The following KCNB2 variants were observed in gnomAD, a reference collection of about 807,000 sequenced individuals.
KCNB2 encodes the protein potassium voltage-gated channel subfamily B member 2, also known as delayed rectifier potassium channel protein.
KCNB2 carries 15 observed loss-of-function variants against 61.5 expected under a neutral mutation model. The observed-to-expected ratio is 0.24, with a 90% CI of 0.16 to 0.38. The LOEUF is 0.38. Among genes scored for constraint, KCNB2 ranks in the 10% least tolerant of loss-of-function variants. KCNB2 has a pLI of 1.00. For missense variants in KCNB2, 828 were observed against 1,125.2 expected, an observed-to-expected ratio of 0.74 and a Z score of 3.78; for synonymous variants, 457 against 446.0, an observed-to-expected ratio of 1.02 and a Z score of -0.31.
intron 2 of KCNB2, among the ~76,000 whole-genome samples, chr8:72,667,177 G>A (rs1422155558): frequency 6.6e-6 from 1 of 152,134 alleles, no homozygotes; most frequent in Non-Finnish European, 1.5e-5. Context: ...GGATTACCTG[G>A]GTTAGCTCAT....
At chr8:72,760,058 A>G (rs1027941458) in intron 2 of KCNB2, among the ~76,000 whole-genome samples, 1 of 152,206 alleles carries the variant, frequency 6.6e-6, no homozygotes, top group Non-Finnish European at 1.5e-5. Flanking sequence ...GCTTTTACTT[A>G]GCCTTACTTT....
At chr8:72,538,541 A>T (rs2128976207) in intron 1 of KCNB2, among the ~76,000 whole-genome samples, 1 of 152,358 alleles carries the variant, frequency 6.6e-6, no homozygotes, top group African/African-American at 2.4e-5. Context: ...TTCATTCATA[A>T]AAACTGTCAG....
At chr8:72,747,892 A>G (rs1207953325) in intron 2 of KCNB2, among the ~76,000 whole-genome samples, 2 of 152,214 alleles carry the variant, frequency 1.3e-5, no homozygotes, top group Non-Finnish European at 2.9e-5. Context: ...AATTGAAATT[A>G]TATGTTGACA....
chr8:72,772,528 G>A (rs770980898), intron 2 of KCNB2, among the ~76,000 whole-genome samples: 2 of 152,204 alleles, frequency 1.3e-5, no homozygotes, highest in Non-Finnish European at 2.9e-5. Context: ...GGCATTCAGA[G>A]CTTCTGTTTT....
chr8:72,854,611 A>G (rs1810175610), intron 2 of KCNB2, among the ~76,000 whole-genome samples: 1 of 152,070 alleles, frequency 6.6e-6, no homozygotes, highest in Non-Finnish European at 1.5e-5. Flanking sequence ...GACTTTAATC[A>G]AAGAATGAGC....
intron 2 of KCNB2, among the ~76,000 whole-genome samples, chr8:72,838,180 A>G (rs1307528437): frequency 1.3e-5 from 2 of 152,184 alleles, no homozygotes; most frequent in Non-Finnish European, 2.9e-5. Flanking sequence ...TTTGTTACAT[A>G]GCTGTATATG....
chr8:72,725,591 GTATATATATATATATATA>G (rs60157669), intron 2 of KCNB2, among the ~76,000 whole-genome samples: 1 of 51,956 alleles, frequency 1.9e-5, no homozygotes, highest in Non-Finnish European at 4.3e-5. Context: ...ATATATGTAT[GTATATATATATATATATA>G]TATATATATA....
At chr8:72,703,188 T>G (rs1271683799) in intron 2 of KCNB2, among the ~76,000 whole-genome samples, 1 of 152,204 alleles carries the variant, frequency 6.6e-6, no homozygotes, top group South Asian at 2.1e-4. Flanking sequence ...CTCAGTCTGG[T>G]GCAATTGGGA....
intron 2 of KCNB2, among the ~76,000 whole-genome samples, chr8:72,743,084 A>C (rs958352208): frequency 6.6e-6 from 1 of 152,216 alleles, no homozygotes; most frequent in African/African-American, 2.4e-5. Context: ...CATAAATAAA[A>C]GAAAGAGGAC....
At chr8:72,606,968 G>A (rs1805461203) in intron 2 of KCNB2, among the ~76,000 whole-genome samples, 1 of 152,180 alleles carries the variant, frequency 6.6e-6, no homozygotes, top group Non-Finnish European at 1.5e-5. Context: ...CAGTGTTGAG[G>A]ACTGAAGTCA....
At chr8:72,652,920 T>C (rs900257796) in intron 2 of KCNB2, among the ~76,000 whole-genome samples, 57 of 152,116 alleles carry the variant, frequency 3.7e-4, no homozygotes, top group Non-Finnish European at 2.1e-4. Flanking sequence ...GGGTCAGCAG[T>C]GTTGATGCCT....
chr8:72,794,069 A>G (rs767564793), intron 2 of KCNB2, among the ~76,000 whole-genome samples: 16 of 152,334 alleles, frequency 1.1e-4, no homozygotes, highest in Non-Finnish European at 1.5e-4. Context: ...TGGAAAATGG[A>G]TTTGGGCCAA....
chr8:72,635,482 A>T (rs145662523), intron 2 of KCNB2, among the ~76,000 whole-genome samples: 1 of 152,146 alleles, frequency 6.6e-6, no homozygotes, highest in African/African-American at 2.4e-5. Context: ...AAGGAACTCC[A>T]TGTGATTCTG....
At chr8:72,765,767 T>A (rs773880611) in intron 2 of KCNB2, among the ~76,000 whole-genome samples, 4 of 152,118 alleles carry the variant, frequency 2.6e-5, no homozygotes, top group South Asian at 2.1e-4. Flanking sequence ...GGAGGACTTG[T>A]TAAGACACTA....
At chr8:72,659,545 A>T (rs1203859551) in intron 2 of KCNB2, among the ~76,000 whole-genome samples, 1 of 152,228 alleles carries the variant, frequency 6.6e-6, no homozygotes, top group Non-Finnish European at 1.5e-5. Flanking sequence ...AATGCTATCA[A>T]CAGCATTGCA....
intron 2 of KCNB2, among the ~76,000 whole-genome samples, chr8:72,819,329 C>A (rs551581978): frequency 6.6e-6 from 1 of 152,060 alleles, no homozygotes; most frequent in African/African-American, 2.4e-5. Flanking sequence ...AGAAATAGCA[C>A]CCAATCCAGA....
chr8:72,691,041 C>T (rs536256144), intron 2 of KCNB2, among the ~76,000 whole-genome samples: 3 of 152,240 alleles, frequency 2.0e-5, no homozygotes, highest in African/African-American at 4.8e-5. Flanking sequence ...ACTTGGTGCC[C>T]GTTTTCATAT....
At chr8:72,766,721 C>A (rs1808465321) in intron 2 of KCNB2, among the ~76,000 whole-genome samples, 1 of 152,132 alleles carries the variant, frequency 6.6e-6, no homozygotes, top group Admixed American at 6.5e-5. Flanking sequence ...CCATAGATAC[C>A]TAGGAAATAC....
chr8:72,546,594 C>G (rs548026852), intron 1 of KCNB2, among the ~76,000 whole-genome samples: 3 of 151,592 alleles, frequency 2.0e-5, no homozygotes, highest in Non-Finnish European at 4.4e-5. Context: ...CAATATTTAG[C>G]TAAGATCATT....
Sources: allele counts gnomAD v4.1 joint callset (sites outside exome capture counted in the v4.1 genomes callset), GRCh38; gene constraint gnomAD v4.1.1; transcripts MANE v1.5; gene names NCBI Gene and HGNC (gene_info 2026-07-23, HGNC 2026-07-21).